SPATA17: variants seen among roughly 807,000 people sequenced by gnomAD.
The protein encoded by SPATA17 is spermatogenesis-associated protein 17.
In SPATA17, 53 loss-of-function variants were observed where a neutral mutation model predicts 62.2. The ratio of observed to expected loss-of-function variants is 0.85; its 90% CI spans 0.68 to 1.07. SPATA17 has a LOEUF of 1.07. Among genes scored for constraint, SPATA17 ranks in the 50% least tolerant of loss-of-function variants. SPATA17 has a pLI of 0.00. For missense variants in SPATA17, 466 were observed against 425.5 expected (o/e 1.10, Z -0.84); for synonymous variants, 146 against 146.8 (o/e 0.99, Z 0.04).
chr1:217,798,238 A>C (rs998242747), intron 8 of SPATA17, among the ~76,000 whole-genome samples: 1 of 152,202 alleles, frequency 6.6e-6, no homozygotes, highest in African/African-American at 2.4e-5. Context: ...ATTAGAAGTA[A>C]ACTACTACTT....
intron 9 of SPATA17, among the ~76,000 whole-genome samples, chr1:217,853,645 C>A (rs1185793901): frequency 6.6e-6 from 1 of 152,134 alleles, no homozygotes; most frequent in Non-Finnish European, 1.5e-5. Flanking sequence ...GAATAACGAA[C>A]CATTGTTCCT....
chr1:217,671,765 C>A (rs559845940), intron 4 of SPATA17, among the ~76,000 whole-genome samples: 2 of 152,098 alleles, frequency 1.3e-5, no homozygotes, highest in Admixed American at 6.5e-5. Context: ...GAGGTTGGAA[C>A]GATCCACTAA....
At chr1:217,668,866 T>G (rs977231941) in intron 3 of SPATA17, among the ~76,000 whole-genome samples, 167 bp from the exon 4 acceptor site, 1 of 152,204 alleles carries the variant, frequency 6.6e-6, no homozygotes, top group African/African-American at 2.4e-5. Flanking sequence ...GCTTGCATTA[T>G]GTATTAGGAA....
intron 1 of SPATA17, among the ~76,000 whole-genome samples, chr1:217,635,386 G>A (rs1421218051): frequency 6.6e-6 from 1 of 152,066 alleles, no homozygotes; most frequent in Non-Finnish European, 1.5e-5. Context: ...ACAAGGTGGG[G>A]GCCCTTTAGG....
chr1:217,666,016 C>A (rs142511476), intron 3 of SPATA17, among the ~76,000 whole-genome samples: 3,467 of 152,154 alleles, frequency 0.023, 79 homozygotes, highest in Middle Eastern at 0.055. Context: ...CTTTTCCCCT[C>A]CCTCTTTTTC....
intron 5 of SPATA17, among the ~76,000 whole-genome samples, chr1:217,689,131 G>A (rs1214982013): frequency 3.9e-5 from 6 of 151,914 alleles, no homozygotes; most frequent in African/African-American, 7.3e-5. Context: ...TGATTAACAC[G>A]GTAGATTCGA....
chr1:217,678,541 C>T (rs1489791205), intron 4 of SPATA17, among the ~76,000 whole-genome samples: 2 of 152,048 alleles, frequency 1.3e-5, no homozygotes, highest in Non-Finnish European at 2.9e-5. Flanking sequence ...AGAGAGAAGA[C>T]ATTTTTTCTT....
chr1:217,802,360 C>T (rs909359809), intron 9 of SPATA17, among the ~76,000 whole-genome samples: 5 of 152,094 alleles, frequency 3.3e-5, no homozygotes, highest in South Asian at 4.1e-4. Flanking sequence ...AGGTACAGCA[C>T]GTATATGTGG....
intron 5 of SPATA17, among the ~76,000 whole-genome samples, chr1:217,711,873 C>A (rs143245495): frequency 2.0e-5 from 3 of 152,222 alleles, no homozygotes; most frequent in African/African-American, 7.2e-5. Context: ...CAGGAAGGAG[C>A]CTGTTGCCTT....
chr1:217,845,931 G>A (rs1025762460), intron 9 of SPATA17, among the ~76,000 whole-genome samples: 2 of 151,996 alleles, frequency 1.3e-5, no homozygotes, highest in Non-Finnish European at 2.9e-5. Flanking sequence ...TATTAAAGAT[G>A]GAAAAGAGTG....
intron 5 of SPATA17, among the ~76,000 whole-genome samples, chr1:217,710,838 G>A (rs760644251): frequency 6.6e-6 from 1 of 151,752 alleles, no homozygotes; most frequent in African/African-American, 2.4e-5. Context: ...CATTCTACTT[G>A]TCCCCCCTCA....
chr1:217,729,266 A>T (rs1672342004), intron 5 of SPATA17, among the ~76,000 whole-genome samples: 1 of 152,160 alleles, frequency 6.6e-6, no homozygotes, highest in Non-Finnish European at 1.5e-5. Context: ...AACAAAATTT[A>T]TGAACTCCAG....
Position 217,634,286 on chromosome 1 carries a change from T to C in SPATA17, c.68+2840T>C, listed in dbSNP as rs187689867. Among the ~76,000 whole-genome samples, 56 of 152,336 alleles carry C rather than the reference T, an allele frequency of 3.7e-4. 1 individual carries two copies. The East Asian group carries it at 9.6e-3, about 26-fold the overall frequency. On this transcript the variant is annotated intron_variant, in intron 1 of 10. Transcript: ENST00000366933. The stretch of plus-strand genomic sequence containing the variant: ...TGGGAGACCAGAGTTTTATTGTTAC[T>C]GAAATCTGTCTCCCTGAGCATTAGG...
chr1:217,775,102 C>T (rs983113155), intron 7 of SPATA17, among the ~76,000 whole-genome samples: 4 of 152,164 alleles, frequency 2.6e-5, no homozygotes, highest in African/African-American at 9.7e-5. Flanking sequence ...TACACATTTT[C>T]CATTCCCATC....
chr1:217,793,985 G>A (rs886498198), intron 8 of SPATA17, among the ~76,000 whole-genome samples: 1 of 151,904 alleles, frequency 6.6e-6, no homozygotes, highest in African/African-American at 2.4e-5. Flanking sequence ...GTGTGGTGGC[G>A]GGCGCCTGTA....
rs1330481032 is a variant in SPATA17, at chr1:217,744,173, G to T, written c.519+2075G>T. 4.4e-5 allele frequency among the ~76,000 whole-genome samples: 5 copies of T among 114,034 alleles called. 1 individual carries two copies. The highest frequency in any genetic ancestry group is 1.1e-4 in the African/African-American group (4 of 36,776). 74.8% of individuals were successfully genotyped at this position (114,034 alleles called of 152,430 possible). ...AAAATTAAGCACCTGGTTTGACAAA[G>T]AATTTTCGGCCGGGCGCGGTGGCTC... is the stretch of plus-strand genomic sequence containing the variant. On this transcript the variant is annotated intron_variant, in intron 6 of 10. Transcript: ENST00000366933.
Position 217,677,533 on chromosome 1 carries a change from T to G in SPATA17, c.292-5725T>G, listed in dbSNP as rs115631199. ...TTTTATATGCTAGACATTATGTTAT[T>G]GTTCTGGGCATACAGAATGAATAAC... On this transcript the variant is annotated intron_variant, in intron 4 of 10. Transcript: ENST00000366933. Among the ~76,000 whole-genome samples, 883 of 152,146 alleles carry G rather than the reference T, an allele frequency of 5.8e-3. 11 individuals carry two copies. Among genetic ancestry groups the G allele is most frequent in the African/African-American group, 0.02 (823 of 41,492 alleles).
At chr1:217,730,030 G>A in intron 5 of SPATA17, among the ~76,000 whole-genome samples, 1 of 152,144 alleles carries the variant, frequency 6.6e-6, no homozygotes, top group Non-Finnish European at 1.5e-5. Context: ...ATATAGATAT[G>A]ATGATGCTAA....
chr1:217,827,926 G>A (rs1318692261), intron 9 of SPATA17, among the ~76,000 whole-genome samples: 2 of 152,088 alleles, frequency 1.3e-5, no homozygotes, highest in African/African-American at 4.8e-5. Context: ...AAAAGCTAAT[G>A]CATGCTGGGC....
Sources: gnomAD v4.1 joint callset for allele counts (sites outside exome capture counted in the v4.1 genomes callset) on GRCh38, gnomAD v4.1.1 for gene constraint, MANE v1.5 for transcripts, NCBI Gene and HGNC (gene_info 2026-07-23, HGNC 2026-07-21) for gene names.